The following DDO variants were observed in gnomAD, a reference collection of about 807,000 sequenced individuals.
The protein encoded by DDO is D-aspartate oxidase, DDO.
In DDO, 16 loss-of-function variants were observed where a neutral mutation model predicts 16.8. That is an observed-to-expected ratio of 0.95 (90% CI 0.65 to 1.45). The LOEUF (loss-of-function observed/expected upper bound fraction) is 1.45. DDO is among the 40% of genes most tolerant of loss of function. The pLI is 0.00. For missense variants in DDO, 429 were observed against 420.3 expected (o/e 1.02, Z -0.18); for synonymous variants, 180 against 167.2 (o/e 1.08, Z -0.59).
At chr6:110,410,130 C>T (rs1447401785) in intron 2 of DDO, among the ~76,000 whole-genome samples, 1 of 152,250 alleles carries the variant, frequency 6.6e-6, no homozygotes, top group Non-Finnish European at 1.5e-5. Context: ...ATAGTTATGA[C>T]TGGGGCTCAT....
At position 110,392,291 on chromosome 6, in the gene DDO, T is replaced by C. The variant is rs1490737362; in HGVS notation, c.*484A>G. The C allele has an allele frequency of 2.0e-6, 2 of 985,574 alleles. No individual in the cohort carries two copies. Among genetic ancestry groups the C allele is most frequent in the Admixed American group, 6.1e-5 (1 of 16,282 alleles). The allele number at this position is 985,574 out of a possible 1,614,324, so 61.1% of individuals were successfully genotyped here. A position where few individuals can be genotyped will look rare whatever the true frequency, so the allele number is the denominator to read the frequency against. ...CAGTGATTTAAATGTTTTCCATACA[T>C]TATCTCCTCCTGTGGATTTATAAGC... is the stretch of plus-strand genomic sequence containing the variant. On this transcript the variant is annotated 3_prime_UTR_variant, in exon 5 of 5. Coordinates refer to ENST00000368924, the MANE Select transcript of DDO (RefSeq NM_001372108.2).
chr6:110,392,521 T>C lies in DDO; in HGVS notation c.*254A>G, dbSNP rs1773130283. 1 of 1,178,378 alleles carries C rather than the reference T, an allele frequency of 8.5e-7. No individual in the cohort carries two copies. The highest frequency in any genetic ancestry group is 4.3e-5 in the South Asian group (1 of 23,374). 73.0% of individuals were successfully genotyped at this position (1,178,378 alleles called of 1,614,324 possible). The stretch of plus-strand genomic sequence containing the variant: ...TTGTTGTTGGTGTTTTTTTTAGAGG[T>C]GGGAACTGGCACCTCTAAAAAATGT... On this transcript the variant is annotated 3_prime_UTR_variant, in exon 5 of 5. Coordinates refer to ENST00000368924, the MANE Select transcript of DDO (RefSeq NM_001372108.2).
chr6:110,413,431 G>T lies in DDO; in HGVS notation c.32C>A (p.Ala11Glu), dbSNP rs1360152095. MDTARIAVVG[A>E]GVVGLSTAVC... ...AGCCGTGGAGAGCCCCACCACACCT[G>T]CCCCGACAACTGCAATCCGTGCTGT... Residue 11 changes from alanine (A) to glutamate (E), a missense_variant, in exon 2 of 5, where the codon GCA (alanine) becomes GAA (glutamate). Ala to Glu is a moderately radical substitution (Grantham distance 107). Coordinates refer to ENST00000368924, the MANE Select transcript of DDO (RefSeq NM_001372108.2). The T allele has an allele frequency of 6.2e-7, 1 of 1,613,840 alleles. No individual in the cohort carries two copies. The highest frequency in any genetic ancestry group is 1.1e-5 in the South Asian group (1 of 91,050).
chr6:110,391,320 A>G (rs988736580), downstream of DDO, among the ~76,000 whole-genome samples: 1 of 150,808 alleles, frequency 6.6e-6, no homozygotes, highest in Admixed American at 6.6e-5. Context: ...TCTTCCCCAA[A>G]TATTAAAATT....
chr6:110,406,484 T>C (rs900506226), intron 3 of DDO, among the ~76,000 whole-genome samples: 3 of 152,158 alleles, frequency 2.0e-5, no homozygotes, highest in Non-Finnish European at 4.4e-5. Flanking sequence ...CCATCTACTC[T>C]CTGTTTCTAC....
intron 4 of DDO, among the ~76,000 whole-genome samples, chr6:110,398,128 T>G (rs1773346064): frequency 6.6e-6 from 1 of 151,930 alleles, no homozygotes; most frequent in African/African-American, 2.4e-5. Flanking sequence ...GGAAATAGGG[T>G]TAGGGGCACT....
downstream of DDO, chr6:110,391,734 A>T (rs1406009138): frequency 6.6e-6 from 1 of 152,222 alleles, no homozygotes; most frequent in Non-Finnish European, 1.5e-5. Context: ...ATACACGTGC[A>T]CACATTAGAG....
intron 2 of DDO, among the ~76,000 whole-genome samples, chr6:110,411,317 G>A (rs78263697): frequency 0.022 from 3,417 of 151,956 alleles, 122 homozygotes; most frequent in African/African-American, 0.079. Context: ...TCAGCAGACA[G>A]GTAAAGAATA....
intron 4 of DDO, among the ~76,000 whole-genome samples, chr6:110,400,694 G>A (rs1287246384): frequency 1.3e-5 from 2 of 152,234 alleles, no homozygotes; most frequent in Non-Finnish European, 2.9e-5. Flanking sequence ...AGACTTTAGA[G>A]CCAATGCTTC....
chr6:110,391,539 T>C (rs1387789805), downstream of DDO, among the ~76,000 whole-genome samples: 1 of 152,144 alleles, frequency 6.6e-6, no homozygotes, highest in Non-Finnish European at 1.5e-5. Flanking sequence ...TTCACCATGT[T>C]GGCCAGGCTT....
chr6:110,400,344 G>GGGGGT (rs1303613533), intron 4 of DDO, among the ~76,000 whole-genome samples: 1 of 87,212 alleles, frequency 1.1e-5, no homozygotes, highest in African/African-American at 6.3e-5. Context: ...GGAGCGGGCC[G>GGGGGT]GGGCGGGGAC....
chr6:110,414,126 C>G (rs1562268130), intron 1 of DDO, among the ~76,000 whole-genome samples: 1 of 152,172 alleles, frequency 6.6e-6, no homozygotes, highest in Non-Finnish European at 1.5e-5. Flanking sequence ...GGAAGGTTGA[C>G]AGAAAACCAC....
At chr6:110,414,594 C>A (rs58664770) in intron 1 of DDO, among the ~76,000 whole-genome samples, 8,936 of 152,348 alleles carry the variant, frequency 0.059, 579 homozygotes, top group African/African-American at 0.16. Flanking sequence ...CCCCGCCTGC[C>A]TTTGCTTCCC....
intron 3 of DDO, among the ~76,000 whole-genome samples, chr6:110,406,795 C>G (rs11755540): frequency 0.02 from 2,892 of 145,838 alleles, 44 homozygotes; most frequent in African/African-American, 0.042. Context: ...TCCTGATGGT[C>G]TCGGATGAAA....
chr6:110,413,401 C>T lies in DDO; in HGVS notation c.62G>A (p.Cys21Tyr). Residue 21 changes from cysteine (C) to tyrosine (Y), a missense_variant, in exon 2 of 5, where the codon TGC (cysteine) becomes TAC (tyrosine). Transcript: ENST00000368924. ...AGVVGLSTAV[C>Y]ISKLVPRCSV... ...GCATCGGGGCACCAGTTTGGAGATG[C>T]ACACAGCCGTGGAGAGCCCCACCAC... 2 of 1,614,046 alleles carry T rather than the reference C, an allele frequency of 1.2e-6. No individual in the cohort carries two copies. The highest frequency in any genetic ancestry group is 1.3e-5 in the African/African-American group (1 of 74,990).
intron 2 of DDO, among the ~76,000 whole-genome samples, chr6:110,408,770 G>T (rs2073210): frequency 0.24 from 36,247 of 152,140 alleles, 4,608 homozygotes; most frequent in South Asian, 0.33. Context: ...TCCTTGGCAG[G>T]TCTATAACCA....
chr6:110,406,995 T>C lies in DDO; in HGVS notation c.281+1339A>G, dbSNP rs114270536. Among the ~76,000 whole-genome samples the C allele has an allele frequency of 5.0e-3, 755 of 152,318 alleles. 3 individuals carry two copies. The highest frequency in any genetic ancestry group is 0.017 in the African/African-American group (715 of 41,546). ...GCAGGACTGTGTCTTCCTTAAAAATTAACTCAACACATATTTGTTAAGCAT... is the reference window on the plus strand; with the variant it reads ...GCAGGACTGTGTCTTCCTTAAAAATCAACTCAACACATATTTGTTAAGCAT... On this transcript the variant is annotated intron_variant, in intron 3 of 4. Coordinates refer to ENST00000368924, the MANE Select transcript of DDO (RefSeq NM_001372108.2).
chr6:110,412,994 C>T (rs1232248363), intron 2 of DDO, among the ~76,000 whole-genome samples: 2 of 151,962 alleles, frequency 1.3e-5, no homozygotes, highest in Admixed American at 6.6e-5. Flanking sequence ...AATACAAAAA[C>T]TAGCCAGGCA....
At chr6:110,398,421 C>CACAAAA (rs1554220451) in intron 4 of DDO, among the ~76,000 whole-genome samples, 71 of 138,632 alleles carry the variant, frequency 5.1e-4, no homozygotes, top group African/African-American at 2.0e-3. Flanking sequence ...CACACACACA[C>CACAAAA]ACACACTTGG....
Sources: gnomAD v4.1 joint callset for allele counts (sites outside exome capture counted in the v4.1 genomes callset) on GRCh38, gnomAD v4.1.1 for gene constraint, MANE v1.5 for transcripts, NCBI Gene and HGNC (gene_info 2026-07-23, HGNC 2026-07-21) for gene names.